Variants in PRKCH observed in about 807,000 individuals in gnomAD.
PRKCH encodes protein kinase C eta.
PRKCH carries 28 observed loss-of-function variants against 82.5 expected under a neutral mutation model. The ratio of observed to expected loss-of-function variants is 0.34; its 90% confidence interval spans 0.25 to 0.47. The LOEUF is 0.47. PRKCH is among the 20% of genes least tolerant of loss of function. The pLI, the probability that PRKCH is intolerant of heterozygous loss-of-function variation, is 1.00. For synonymous variants in PRKCH, 322 were observed against 327.4 expected (o/e 0.98, Z 0.18); for missense variants, 705 against 881.8 (o/e 0.80, Z 2.54).
intron 2 of PRKCH, among the ~76,000 whole-genome samples, chr14:61,394,809 A>G (rs144115665): frequency 6.6e-6 from 1 of 152,296 alleles, no homozygotes; most frequent in East Asian, 1.9e-4. Context: ...AAATTGTGAG[A>G]TGAGTTGAGT....
At chr14:61,313,833 A>G (rs988133399) in intron 1 of PRKCH, among the ~76,000 whole-genome samples, 5 of 152,152 alleles carry the variant, frequency 3.3e-5, no homozygotes, top group African/African-American at 7.2e-5. Context: ...ACCTGTTCCC[A>G]TGATTCAGCC....
chr14:61,188,574 A>AGTGTGTGTGTGTGT (rs376746171), intron 1 of PRKCH, among the ~76,000 whole-genome samples: 1 of 55,938 alleles, frequency 1.8e-5, no homozygotes, highest in Non-Finnish European at 3.4e-5. Context: ...ACGTTGCTGT[A>AGTGTGTGTGTGTGT]GTGTGTGTGT....
At position 61,549,710 on chromosome 14, in the gene PRKCH, T is replaced by C. The variant is rs768619375; in HGVS notation, c.1931T>C (p.Phe644Ser). ...AAATCCCGAGAAGATGTCAGTAATT[T>C]TGACCCTGACTTCATAAAGGAAGAG... is the stretch of plus-strand genomic sequence containing the variant. ...RIKSREDVSN[F>S]DPDFIKEEPV... Residue 644 changes from phenylalanine to serine, a missense_variant, in exon 14 of 14, where the codon TTT (phenylalanine) becomes TCT (serine). Physicochemically the swap from Phe to Ser is radical, Grantham distance 155. Transcript: ENST00000332981. 5 of 1,613,290 alleles carry C rather than the reference T, an allele frequency of 3.1e-6. No homozygotes were observed. The South Asian group carries it at 5.5e-5, about 18-fold the overall frequency.
intron 1 of PRKCH, among the ~76,000 whole-genome samples, chr14:61,247,508 G>A (rs2044895956): frequency 6.6e-6 from 1 of 151,832 alleles, no homozygotes; most frequent in Non-Finnish European, 1.5e-5. Context: ...GGCCGAGGTG[G>A]GCAGATCACC....
intron 1 of PRKCH, among the ~76,000 whole-genome samples, chr14:61,388,863 C>T (rs1030706387): frequency 2.0e-5 from 3 of 152,060 alleles, no homozygotes; most frequent in Non-Finnish European, 4.4e-5. Flanking sequence ...GTGTGGTAAC[C>T]ACATTGGTAA....
chr14:61,507,718 T>C (rs1044795678), intron 10 of PRKCH, among the ~76,000 whole-genome samples: 14 of 152,052 alleles, frequency 9.2e-5, no homozygotes, highest in Admixed American at 7.2e-4. Flanking sequence ...GAATCTAAAA[T>C]AGTCAAAATC....
At chr14:61,459,886 A>C (rs1884951840) in intron 9 of PRKCH, among the ~76,000 whole-genome samples, 1 of 152,180 alleles carries the variant, frequency 6.6e-6, no homozygotes, top group African/African-American at 2.4e-5. Context: ...TCACTTTGTC[A>C]CCAGGCTGGA....
rs12431773 is a variant in PRKCH, at chr14:61,439,224, C to T, written c.428-3887C>T. Among the ~76,000 whole-genome samples, 12 of 152,014 alleles carry T rather than the reference C, an allele frequency of 7.9e-5. No individual in the cohort carries two copies. The South Asian group carries it at 1.0e-3, about 13-fold the overall frequency. On this transcript the variant is annotated intron_variant, in intron 2 of 13. Coordinates refer to ENST00000332981, the MANE Select transcript of PRKCH (RefSeq NM_006255.5). ...AACTCAGTCCTAAGTAAACAGGAGG[C>T]GGTGCAAACAATGAGGAAGTTCCCT...
chr14:61,224,171 T>C (rs2044677911), intron 1 of PRKCH, among the ~76,000 whole-genome samples: 1 of 152,216 alleles, frequency 6.6e-6, no homozygotes, highest in African/African-American at 2.4e-5. Context: ...ATCCTTGCAG[T>C]GCATCTTTTT....
At chr14:61,370,662 C>T (rs959248919) in intron 1 of PRKCH, among the ~76,000 whole-genome samples, 1 of 152,066 alleles carries the variant, frequency 6.6e-6, no homozygotes, top group Admixed American at 6.6e-5. Flanking sequence ...AGAAAGTACT[C>T]ATTATGTTAG....
intron 1 of PRKCH, chr14:61,322,859 C>T: frequency 5.2e-6 from 1 of 192,928 alleles, no homozygotes; most frequent in Non-Finnish European, 1.1e-5. Flanking sequence ...GCTTCAAGCG[C>T]TACTTAGGAG....
chr14:61,514,913 C>G (rs938415973), intron 10 of PRKCH, among the ~76,000 whole-genome samples: 1 of 152,320 alleles, frequency 6.6e-6, no homozygotes, highest in African/African-American at 2.4e-5. Context: ...AGGCAAACAC[C>G]AGTGCAGTGG....
intron 10 of PRKCH, among the ~76,000 whole-genome samples, chr14:61,516,867 G>A (rs533264261): frequency 7.2e-5 from 11 of 152,130 alleles, no homozygotes; most frequent in Non-Finnish European, 1.5e-4. Context: ...AGCCTTTTAT[G>A]CAAAACATAA....
In PRKCH at chr14:61,342,597, C is replaced by G. The variant is rs1161925827; in HGVS notation, c.363+20133C>G. ...TGTTTTTTCAGAGACCCATTTCCAC[C>G]AGCGGGTTTGCACTGTAAGTGTTTC... On this transcript the variant is annotated intron_variant, in intron 1 of 13. Coordinates refer to ENST00000332981, the MANE Select transcript of PRKCH (RefSeq NM_006255.5). Among the ~76,000 whole-genome samples, 4 of 152,162 alleles carry G rather than the reference C, an allele frequency of 2.6e-5. No homozygotes were observed. In the South Asian group the frequency reaches 8.3e-4, roughly 31 times the overall value.
intron 1 of PRKCH, among the ~76,000 whole-genome samples, chr14:61,367,082 T>G (rs1206820796): frequency 6.6e-6 from 1 of 152,094 alleles, no homozygotes; most frequent in Non-Finnish European, 1.5e-5. Flanking sequence ...AAGGGTTATA[T>G]GCAGGACTTT....
chr14:61,499,637 A>G (rs868521174), intron 10 of PRKCH, among the ~76,000 whole-genome samples: 1 of 152,250 alleles, frequency 6.6e-6, no homozygotes, highest in South Asian at 2.1e-4. Context: ...TCCGCTGACA[A>G]AATTCTAGAA....
At chr14:61,252,972 C>T (rs1437724700) in intron 1 of PRKCH, among the ~76,000 whole-genome samples, 1 of 152,164 alleles carries the variant, frequency 6.6e-6, no homozygotes, top group African/African-American at 2.4e-5. Flanking sequence ...GAGACCTCTG[C>T]TGGATGAATG....
At chr14:61,398,886 T>C (rs2046823885) in intron 2 of PRKCH, among the ~76,000 whole-genome samples, 1 of 152,194 alleles carries the variant, frequency 6.6e-6, no homozygotes, top group African/African-American at 2.4e-5. Flanking sequence ...ATGGGCCACA[T>C]TTTATCCCAA....
At chr14:61,391,774 G>C (rs1429775770) in intron 2 of PRKCH, among the ~76,000 whole-genome samples, 1 of 152,038 alleles carries the variant, frequency 6.6e-6, no homozygotes, top group East Asian at 1.9e-4. Flanking sequence ...TTTACTTGAG[G>C]TAAAATTTAT....
Sources: allele counts gnomAD v4.1 joint callset (sites outside exome capture counted in the v4.1 genomes callset), GRCh38; gene constraint gnomAD v4.1.1; transcripts MANE v1.5; gene names NCBI Gene and HGNC (gene_info 2026-07-23, HGNC 2026-07-21).